The following UNC13C variants were observed in gnomAD, a reference collection of about 807,000 sequenced individuals.
UNC13C encodes the protein protein unc-13 homolog C.
A neutral mutation model predicts 245.4 loss-of-function variants in UNC13C; 174 were observed. The ratio of observed to expected loss-of-function variants is 0.71; its 90% CI spans 0.63 to 0.80. The LOEUF (loss-of-function observed/expected upper bound fraction) is 0.80, where lower values mean the gene tolerates loss of function less well. Ranked by LOEUF, UNC13C falls within the 30% of genes least tolerant of loss-of-function variation. The pLI is 0.00. For missense variants in UNC13C, 2,829 were observed against 2,602.9 expected, an observed-to-expected ratio of 1.09 and a Z score of -1.89; for synonymous variants, 992 against 895.1, an observed-to-expected ratio of 1.11 and a Z score of -1.93.
intron 17 of UNC13C, among the ~76,000 whole-genome samples, chr15:54,372,371 G>A (rs2039505760): frequency 1.3e-5 from 2 of 151,756 alleles, no homozygotes; most frequent in African/African-American, 4.8e-5. Flanking sequence ...ATATTTTATT[G>A]TGAAAAATGT....
chr15:54,476,423 A>G (rs2141052900), intron 19 of UNC13C, among the ~76,000 whole-genome samples: 1 of 151,452 alleles, frequency 6.6e-6, no homozygotes, highest in African/African-American at 2.4e-5. Flanking sequence ...GTTTTCTTCT[A>G]GGGTTTTTAT....
chr15:54,069,331 C>T (rs996000331), intron 2 of UNC13C, among the ~76,000 whole-genome samples: 1 of 152,144 alleles, frequency 6.6e-6, no homozygotes, highest in Non-Finnish European at 1.5e-5. Flanking sequence ...TTGGAAGCCT[C>T]GTGTACTGTC....
At chr15:54,565,194 T>C (rs1829532) in intron 29 of UNC13C, among the ~76,000 whole-genome samples, 4 of 151,988 alleles carry the variant, frequency 2.6e-5, no homozygotes, top group African/African-American at 9.7e-5. Flanking sequence ...ACACCTGCAA[T>C]GTATTGTTGA....
chr15:54,173,663 G>A (rs1354457337), intron 4 of UNC13C, among the ~76,000 whole-genome samples: 1 of 151,808 alleles, frequency 6.6e-6, no homozygotes, highest in Non-Finnish European at 1.5e-5. Context: ...CACAAATACA[G>A]TTTCATTACT....
intron 19 of UNC13C, among the ~76,000 whole-genome samples, chr15:54,474,100 T>C (rs78424378): frequency 0.03 from 4,528 of 152,188 alleles, 180 homozygotes; most frequent in Admixed American, 0.12. Flanking sequence ...TTGGCTATTG[T>C]TATTAGTGCT....
At chr15:54,275,598 C>G (rs1157321421) in intron 10 of UNC13C, among the ~76,000 whole-genome samples, 2 of 151,966 alleles carry the variant, frequency 1.3e-5, no homozygotes, top group African/African-American at 2.4e-5. Context: ...AATATTAATA[C>G]TACTTCACAT....
At chr15:53,848,423 G>T in the UNC13C span, among the ~76,000 whole-genome samples, 1 of 151,884 alleles carries the variant, frequency 6.6e-6, no homozygotes, top group African/African-American at 2.4e-5. Context: ...ATGTATTTTG[G>T]ACCTTTTCAT....
intron 2 of UNC13C, among the ~76,000 whole-genome samples, chr15:54,020,760 C>G (rs1188002421): frequency 1.3e-5 from 2 of 152,006 alleles, no homozygotes; most frequent in Non-Finnish European, 2.9e-5. Context: ...ATCAAAAGTC[C>G]TAGGGGATTT....
chr15:54,243,179 G>A (rs112733540), intron 7 of UNC13C, among the ~76,000 whole-genome samples: 70 of 90,700 alleles, frequency 7.7e-4, no homozygotes, highest in African/African-American at 2.7e-3. Context: ...ATTCCCCGCC[G>A]CATGTCCACG....
chr15:54,298,061 GT>G, intron 12 of UNC13C, 135 bp downstream of exon 12: 1 of 640,436 alleles, frequency 1.6e-6, no homozygotes, highest in Non-Finnish European at 2.7e-6. Flanking sequence ...ACTACAGCAG[GT>G]GATATACTAA....
intron 17 of UNC13C, among the ~76,000 whole-genome samples, chr15:54,354,984 T>C (rs1352380726): frequency 2.0e-5 from 3 of 152,062 alleles, no homozygotes; most frequent in Non-Finnish European, 2.9e-5. Context: ...TGGGCGATCA[T>C]AGGAGTAGAG....
chr15:54,198,144 C>T (rs1171271084), intron 4 of UNC13C, among the ~76,000 whole-genome samples: 1 of 152,068 alleles, frequency 6.6e-6, no homozygotes, highest in East Asian at 1.9e-4. Flanking sequence ...GAACCACACC[C>T]CTATCCCACA....
At chr15:54,472,890 G>A (rs1054537046) in intron 19 of UNC13C, among the ~76,000 whole-genome samples, 18 of 151,640 alleles carry the variant, frequency 1.2e-4, no homozygotes, top group East Asian at 3.9e-4. Flanking sequence ...TTGGGGAGTC[G>A]GACATGTACA....
At chr15:54,050,412 C>A in intron 2 of UNC13C, 2 of 555,104 alleles carry the variant, frequency 3.6e-6, no homozygotes, top group Admixed American at 1.9e-5. Context: ...TGGGAATATT[C>A]TCTGGGAGTA....
At chr15:54,403,037 T>G (rs1276251799) in intron 18 of UNC13C, among the ~76,000 whole-genome samples, 1 of 152,222 alleles carries the variant, frequency 6.6e-6, no homozygotes, top group Non-Finnish European at 1.5e-5. Context: ...CCATCTCTGC[T>G]CTACTGCCTT....
intron 4 of UNC13C, among the ~76,000 whole-genome samples, chr15:54,148,262 GGTT>G (rs1451462355): frequency 2.6e-5 from 4 of 152,246 alleles, no homozygotes; most frequent in African/African-American, 9.6e-5. Flanking sequence ...AGATTTCCAA[GGTT>G]GTTCAATTAT....
intron 30 of UNC13C, among the ~76,000 whole-genome samples, chr15:54,584,014 T>G (rs2681954): frequency 6.6e-6 from 1 of 151,970 alleles, no homozygotes; most frequent in Non-Finnish European, 1.5e-5. Context: ...CCTGCCGCTC[T>G]CTGGACCTCT....
At chr15:54,027,755 GAC>G (rs142712982) in intron 2 of UNC13C, among the ~76,000 whole-genome samples, 1 of 151,228 alleles carries the variant, frequency 6.6e-6, no homozygotes, top group Non-Finnish European at 1.5e-5. Context: ...CAGTTTATTT[GAC>G]ACACTGTAGT....
the UNC13C span, among the ~76,000 whole-genome samples, chr15:53,924,158 G>C: frequency 1.3e-5 from 2 of 151,312 alleles, no homozygotes; most frequent in African/African-American, 4.9e-5. Context: ...AGTGAGCCGA[G>C]ATCACACCAT....
Sources: gnomAD v4.1 joint callset for allele counts (sites outside exome capture counted in the v4.1 genomes callset) on GRCh38, gnomAD v4.1.1 for gene constraint, MANE v1.5 for transcripts, NCBI Gene and HGNC (gene_info 2026-07-23, HGNC 2026-07-21) for gene names.